TNRC6B: variants seen among roughly 807,000 people sequenced by gnomAD.
TNRC6B encodes the protein trinucleotide repeat-containing gene 6B protein.
Under a neutral mutation model 203.6 loss-of-function variants are expected in TNRC6B, and 52 were observed. That is an observed-to-expected ratio of 0.26 (90% CI 0.20 to 0.32). The LOEUF (loss-of-function observed/expected upper bound fraction) is 0.32, where lower values mean the gene tolerates loss of function less well. Among genes scored for constraint, TNRC6B ranks in the 10% least tolerant of loss-of-function variants. The pLI is 1.00. For missense variants in TNRC6B, 1,923 were observed against 2,286.2 expected (o/e 0.84, Z 3.24); for synonymous variants, 838 against 845.7 (o/e 0.99, Z 0.16).
At position 40,057,540 on chromosome 22, in the gene TNRC6B, C is replaced by T. The variant is rs1339362529; in HGVS notation, c.-121+12542C>T. The stretch of plus-strand genomic sequence containing the variant: ...ACTCCTGACCTCAGGTGATCCGCAG[C>T]CTCCCAAAGTGCTGGGATTACAGGC... On this transcript the variant is annotated intron_variant, in intron 1 of 23. Transcript: ENST00000301923. Among the ~76,000 whole-genome samples, 8 of 152,214 alleles carry T rather than the reference C, an allele frequency of 5.3e-5. No individual in the cohort carries two copies. In the South Asian group the frequency reaches 1.5e-3, roughly 28 times the overall value.
chr22:40,177,924 T>G (rs2069081676), upstream of TNRC6B: 9 of 1,349,278 alleles, frequency 6.7e-6, no homozygotes, highest in Non-Finnish European at 7.6e-6. Flanking sequence ...CTGCTTCCTT[T>G]AGAGACAGAG....
At position 40,235,626 on chromosome 22, in the gene TNRC6B, A is replaced by T. The variant is rs2146456237; in HGVS notation, c.6-10389A>T. ...AGATACTACCACGAAGTGAGATAAT[A>T]GCTCAGTGACTAGTACACCACTAAA... On this transcript the variant is annotated intron_variant, in intron 1 of 22. Transcript: ENST00000454349. 2.0e-5 allele frequency among the ~76,000 whole-genome samples: 3 copies of T among 152,336 alleles called. No homozygotes were observed. The East Asian group carries it at 5.8e-4, about 29-fold the overall frequency.
chr22:40,273,600 G>A lies in TNRC6B; in HGVS notation c.3141G>A (p.Lys1047=). 1 of 1,568,770 alleles carries A rather than the reference G, an allele frequency of 6.4e-7. No individual in the cohort carries two copies. ...SWGQGGKKQM[K]CSLKGGNNDS... is the part of the protein sequence containing the mutation. The stretch of plus-strand genomic sequence containing the variant: ...GACAAGGAGGAAAGAAACAAATGAA[G>A]GTAGCCTGCTTAGAAATGTTCGCAC... Residue 1047 remains lysine (K), a splice_region_variant and synonymous_variant, in exon 7 of 23, where the codon AAG becomes AAA. Coordinates refer to ENST00000454349, the MANE Select transcript of TNRC6B (RefSeq NM_001162501.2).
intron 1 of TNRC6B, among the ~76,000 whole-genome samples, chr22:40,200,765 G>A (rs2146406641): frequency 6.6e-6 from 1 of 152,236 alleles, no homozygotes; most frequent in African/African-American, 2.4e-5. Flanking sequence ...CAGGCACACT[G>A]TATTCCTGGG....
At chr22:40,104,084 C>T (rs939554897) in intron 1 of TNRC6B, among the ~76,000 whole-genome samples, 5 of 151,916 alleles carry the variant, frequency 3.3e-5, no homozygotes, top group African/African-American at 1.2e-4. Flanking sequence ...AACCCTGTCT[C>T]TACTAAAAAT....
chr22:40,268,003 C>T (rs925997450), intron 5 of TNRC6B, among the ~76,000 whole-genome samples: 2 of 152,216 alleles, frequency 1.3e-5, no homozygotes, highest in East Asian at 3.8e-4. Flanking sequence ...TCATTGTCAA[C>T]TTGAATGTCC....
chr22:40,240,786 G>A (rs183378117), intron 1 of TNRC6B, among the ~76,000 whole-genome samples: 73 of 152,276 alleles, frequency 4.8e-4, no homozygotes, highest in Non-Finnish European at 8.7e-4. Flanking sequence ...CTAGTCACCT[G>A]GCATTTGCAT....
At chr22:40,117,008 A>G in intron 1 of TNRC6B, 1 of 152,692 alleles carries the variant, frequency 6.5e-6, no homozygotes. Flanking sequence ...TTCATGTGGC[A>G]TCTTGCTATG....
chr22:40,218,447 C>G (rs762267280), intron 1 of TNRC6B, among the ~76,000 whole-genome samples: 44 of 151,026 alleles, frequency 2.9e-4, no homozygotes, highest in Non-Finnish European at 5.7e-4. Flanking sequence ...CTACCTCAGC[C>G]TCTTGAGTAG....
chr22:40,230,792 T>A (rs1351136406), intron 1 of TNRC6B, among the ~76,000 whole-genome samples: 1 of 152,122 alleles, frequency 6.6e-6, no homozygotes, highest in Non-Finnish European at 1.5e-5. Context: ...TTTTTTGGTG[T>A]TGTGTCAAAA....
intron 1 of TNRC6B, among the ~76,000 whole-genome samples, chr22:40,214,127 C>T (rs1216378820): frequency 1.3e-5 from 2 of 151,932 alleles, no homozygotes; most frequent in African/African-American, 2.4e-5. Flanking sequence ...ACTAGCCGGG[C>T]GTGGTGGTGC....
chr22:40,153,137 C>T (rs1353989408), intron 3 of TNRC6B, among the ~76,000 whole-genome samples: 2 of 152,052 alleles, frequency 1.3e-5, no homozygotes, highest in African/African-American at 2.4e-5. Flanking sequence ...TTTTATGTGT[C>T]AGTTATATGT....
At chr22:40,243,696 C>T (rs1295943498) in intron 1 of TNRC6B, among the ~76,000 whole-genome samples, 4 of 151,872 alleles carry the variant, frequency 2.6e-5, no homozygotes, top group Admixed American at 2.0e-4. Context: ...GCGATTTTCC[C>T]GCCTCCGCCT....
intron 1 of TNRC6B, chr22:40,106,841 G>C: frequency 8.7e-7 from 1 of 1,143,532 alleles, no homozygotes; most frequent in Non-Finnish European, 1.3e-6. Flanking sequence ...AGCTTTTCTT[G>C]CCACCCTCGC....
At chr22:40,137,836 T>C (rs1277513370) in intron 3 of TNRC6B, among the ~76,000 whole-genome samples, 1 of 151,846 alleles carries the variant, frequency 6.6e-6, no homozygotes, top group Admixed American at 6.6e-5. Flanking sequence ...ATACAAAAAT[T>C]AGCCGGGCAT....
chr22:40,296,796 T>A (rs2070950534), intron 12 of TNRC6B, among the ~76,000 whole-genome samples: 1 of 152,192 alleles, frequency 6.6e-6, no homozygotes, highest in South Asian at 2.1e-4. Context: ...CCTAGCTAAT[T>A]TTTGTATTTT....
intron 1 of TNRC6B, among the ~76,000 whole-genome samples, chr22:40,222,139 A>C (rs889366618): frequency 1.3e-5 from 2 of 152,042 alleles, no homozygotes; most frequent in African/African-American, 4.8e-5. Flanking sequence ...GTCCCTTCCT[A>C]AAAGTAAAAA....
chr22:40,316,052 T>C (rs2079509294), intron 21 of TNRC6B, 40 bp downstream of exon 21: 6 of 1,581,286 alleles, frequency 3.8e-6, no homozygotes, highest in Middle Eastern at 3.3e-4. Flanking sequence ...TAGGACTTGA[T>C]TGTATTAAGA....
intron 3 of TNRC6B, among the ~76,000 whole-genome samples, chr22:40,127,257 G>C (rs142526091): frequency 6.6e-6 from 1 of 152,042 alleles, no homozygotes; most frequent in Non-Finnish European, 1.5e-5. Flanking sequence ...CCCCCTCTGC[G>C]GGGCTATGAT....
Sources: gnomAD v4.1 joint callset for allele counts (sites outside exome capture counted in the v4.1 genomes callset) on GRCh38, gnomAD v4.1.1 for gene constraint, MANE v1.5 for transcripts, NCBI Gene and HGNC (gene_info 2026-07-23, HGNC 2026-07-21) for gene names.